Variants in FHIT observed in about 807,000 individuals in gnomAD.
FHIT encodes the protein bis(5'-adenosyl)-triphosphatase.
A neutral mutation model predicts 17.9 loss-of-function variants in FHIT; 19 were observed. The ratio of observed to expected loss-of-function variants is 1.06; its 90% CI spans 0.74 to 1.56. The LOEUF (loss-of-function observed/expected upper bound fraction) is 1.56, where lower values mean the gene tolerates loss of function less well. Ranked by LOEUF, FHIT falls within the 40% of genes most tolerant of loss-of-function variation. The pLI is 0.00. For synonymous variants in FHIT, 81 were observed against 69.7 expected, an observed-to-expected ratio of 1.16 and a Z score of -0.81; for missense variants, 248 against 189.2, an observed-to-expected ratio of 1.31 and a Z score of -1.82.
chr3:60,543,907 CTTT>C (rs71092612), intron 4 of FHIT, among the ~76,000 whole-genome samples: 1 of 52,062 alleles, frequency 1.9e-5, no homozygotes, highest in East Asian at 1.1e-3. Context: ...CCACGCCCGG[CTTT>C]TTTTTTTTTT....
intron 3 of FHIT, among the ~76,000 whole-genome samples, chr3:60,930,392 T>G (rs1435050277): frequency 1.3e-5 from 2 of 152,162 alleles, no homozygotes; most frequent in African/African-American, 4.8e-5. Flanking sequence ...AAAGAGCTTT[T>G]GCACAGCAAA....
chr3:60,555,695 T>C (rs929320921), intron 4 of FHIT, among the ~76,000 whole-genome samples: 2 of 152,186 alleles, frequency 1.3e-5, no homozygotes, highest in African/African-American at 2.4e-5. Flanking sequence ...TGTCACCATT[T>C]GGAATTTCAG....
chr3:60,453,333 T>G (rs2031871862), intron 5 of FHIT, among the ~76,000 whole-genome samples: 8 of 152,140 alleles, frequency 5.3e-5, no homozygotes, highest in Admixed American at 5.2e-4. Flanking sequence ...AATGGTTCTA[T>G]CAAAATTCAT....
intron 3 of FHIT, among the ~76,000 whole-genome samples, chr3:60,963,264 T>A (rs1451676625): frequency 6.6e-6 from 1 of 152,246 alleles, no homozygotes; most frequent in African/African-American, 2.4e-5. Flanking sequence ...TTCTGTGGGA[T>A]CAGTGGTGAT....
At chr3:60,996,523 G>C (rs188153879) in intron 3 of FHIT, among the ~76,000 whole-genome samples, 5 of 152,164 alleles carry the variant, frequency 3.3e-5, no homozygotes, top group African/African-American at 1.2e-4. Context: ...GCTTCTATTT[G>C]ATTGTTTAAA....
At chr3:60,385,218 C>T (rs1430580127) in intron 5 of FHIT, among the ~76,000 whole-genome samples, 1 of 152,168 alleles carries the variant, frequency 6.6e-6, no homozygotes, top group Non-Finnish European at 1.5e-5. Flanking sequence ...AAATACAAGG[C>T]AGCAGTAAAT....
chr3:60,629,986 T>A (rs1553681993), intron 4 of FHIT, among the ~76,000 whole-genome samples: 2 of 152,218 alleles, frequency 1.3e-5, no homozygotes, highest in African/African-American at 4.8e-5. Context: ...AGGACCTTGC[T>A]CCTGTTCCTT....
intron 4 of FHIT, among the ~76,000 whole-genome samples, chr3:60,747,814 T>C (rs1268927875): frequency 6.6e-6 from 1 of 152,186 alleles, no homozygotes; most frequent in African/African-American, 2.4e-5. Context: ...GAGAGGTAAG[T>C]GATTTTTCAA....
At chr3:60,197,273 G>A (rs1024148765) in intron 5 of FHIT, among the ~76,000 whole-genome samples, 1 of 151,874 alleles carries the variant, frequency 6.6e-6, no homozygotes, top group Admixed American at 6.6e-5. Context: ...TGTGCTATAA[G>A]TGTAAAATAC....
At chr3:60,082,375 T>C (rs577646724) in intron 5 of FHIT, among the ~76,000 whole-genome samples, 59 of 152,272 alleles carry the variant, frequency 3.9e-4, no homozygotes, top group Admixed American at 1.2e-3. Context: ...TAATCCACCA[T>C]TGATGGGCAC....
rs779135827 is a variant in FHIT at position 60,014,240 on chromosome 3, G to C, written c.104-88C>G. 3.0e-6 allele frequency: 4 copies of C among 1,332,228 alleles called. No individual in the cohort carries two copies. The African/African-American group carries it at 5.8e-5, about 19-fold the overall frequency. The allele number at this position is 1,332,228 out of a possible 1,614,324, so 82.5% of individuals were successfully genotyped here. Reference sequence around the variant, plus strand: ...CATACCCACAGGATTGAATCCTCTCGGACCAGGGCCTGAACTCTCAAAGAC... The same window carrying C: ...CATACCCACAGGATTGAATCCTCTCCGACCAGGGCCTGAACTCTCAAAGAC... On this transcript the variant is annotated intron_variant, in intron 5 of 9. Coordinates refer to ENST00000492590, the MANE Select transcript of FHIT (RefSeq NM_002012.4).
chr3:60,956,625 C>G lies in FHIT; in HGVS notation c.-111+85422G>C, dbSNP rs41347853. Among the ~76,000 whole-genome samples the G allele has an allele frequency of 3.6e-4, 54 of 152,010 alleles. 1 individual carries two copies. The South Asian group carries it at 9.8e-3, about 27-fold the overall frequency. Reference sequence around the variant, plus strand: ...AACCAAGGTCAAAATCTGTCTACACCGGGTTTAATCAGACACAGCTGTACA... The same window carrying G: ...AACCAAGGTCAAAATCTGTCTACACGGGGTTTAATCAGACACAGCTGTACA... On this transcript the variant is annotated intron_variant, in intron 3 of 9. Coordinates refer to ENST00000492590, the MANE Select transcript of FHIT (RefSeq NM_002012.4).
chr3:60,768,100 C>T (rs191362261), intron 4 of FHIT, among the ~76,000 whole-genome samples: 1 of 152,286 alleles, frequency 6.6e-6, no homozygotes, highest in African/African-American at 2.4e-5. Context: ...AATATTATAA[C>T]CCCACTCAAG....
At chr3:60,920,153 A>C (rs1707207091) in intron 3 of FHIT, among the ~76,000 whole-genome samples, 1 of 152,220 alleles carries the variant, frequency 6.6e-6, no homozygotes. Context: ...AGATAATAAC[A>C]GTATCCACTA....
chr3:60,333,970 A>C (rs1165588462), intron 5 of FHIT, among the ~76,000 whole-genome samples: 1 of 18,924 alleles, frequency 5.3e-5, no homozygotes, highest in Non-Finnish European at 9.6e-5. Context: ...ACATGGTTAC[A>C]TTTCTTCTCT....
intron 5 of FHIT, among the ~76,000 whole-genome samples, chr3:60,481,213 G>A (rs1256627081): frequency 6.6e-6 from 1 of 152,144 alleles, no homozygotes; most frequent in African/African-American, 2.4e-5. Flanking sequence ...AGTACCTGAA[G>A]GGGATGGGAA....
chr3:60,901,722 C>T (rs1437899578), intron 3 of FHIT, among the ~76,000 whole-genome samples: 1 of 151,480 alleles, frequency 6.6e-6, no homozygotes, highest in Non-Finnish European at 1.5e-5. Context: ...TAGCTAGGTA[C>T]TTTTTTTTTC....
At chr3:60,355,533 C>T (rs1244918589) in intron 5 of FHIT, among the ~76,000 whole-genome samples, 1 of 151,086 alleles carries the variant, frequency 6.6e-6, no homozygotes, top group Non-Finnish European at 1.5e-5. Context: ...TTTCAAAAGG[C>T]TGCATACAAT....
chr3:60,920,033 CAAAAAAAA>C (rs1224608220), intron 3 of FHIT, among the ~76,000 whole-genome samples: 1 of 108,388 alleles, frequency 9.2e-6, no homozygotes, highest in Non-Finnish European at 1.9e-5. Context: ...GACTCCGTCT[CAAAAAAAA>C]AAAAAAAGAG....
Sources: gnomAD v4.1 joint callset for allele counts (sites outside exome capture counted in the v4.1 genomes callset) on GRCh38, gnomAD v4.1.1 for gene constraint, MANE v1.5 for transcripts, NCBI Gene and HGNC (gene_info 2026-07-23, HGNC 2026-07-21) for gene names.